Variants in TCF20 observed in about 807,000 individuals in gnomAD.
The protein encoded by TCF20 is transcription factor 20, also known as SPRE-binding protein.
A neutral mutation model predicts 148.6 loss-of-function variants in TCF20; 3 were observed. That is an observed-to-expected ratio of 0.02 (90% CI 0.01 to 0.05). The LOEUF (loss-of-function observed/expected upper bound fraction) is 0.05. Ranked by LOEUF, TCF20 falls within the 10% of genes least tolerant of loss-of-function variation. The probability of loss-of-function intolerance (pLI) is 1.00; values close to 1 mark genes in which losing one functional copy is unlikely to be tolerated. For missense variants in TCF20, 2,350 were observed against 2,429.3 expected (o/e 0.97, Z 0.69); for synonymous variants, 1,049 against 909.5 (o/e 1.15, Z -2.76).
chr22:42,172,219 T>G (rs918700068), intron 3 of TCF20, among the ~76,000 whole-genome samples: 2 of 152,196 alleles, frequency 1.3e-5, no homozygotes, highest in African/African-American at 4.8e-5. Flanking sequence ...TTCACGTTCC[T>G]GGCAGGGGCC....
intron 1 of TCF20, among the ~76,000 whole-genome samples, chr22:42,240,359 G>C (rs1924286339): frequency 6.6e-6 from 1 of 152,132 alleles, no homozygotes. Flanking sequence ...GTCACACAGA[G>C]ACATAAACAA....
chr22:42,323,031 C>T lies in TCF20; in HGVS notation c.-37+20448G>A, dbSNP rs558351561. ...AAGTGATTCTCCTGCCTCAGCCTCC[C>T]GAGTAGCTTGGGTTATAGGCACCTG... is the stretch of plus-strand genomic sequence containing the variant. On this transcript the variant is annotated intron_variant, in intron 1 of 1. Transcript: ENST00000515426. Among the ~76,000 whole-genome samples the T allele has an allele frequency of 3.3e-5, 5 of 151,754 alleles. No individual in the cohort carries two copies. In the South Asian group the frequency reaches 1.0e-3, roughly 31 times the overall value.
chr22:42,213,618 C>T lies in TCF20; in HGVS notation c.1688G>A (p.Gly563Asp), dbSNP rs771217093. The T allele has an allele frequency of 6.2e-7, 1 of 1,614,090 alleles. No individual in the cohort carries two copies. Residue 563 changes from glycine (G) to aspartate (D), a missense_variant, in exon 2 of 6, where the codon GGT becomes GAT. Gly to Asp is a moderately conservative substitution (Grantham distance 94). This residue lies in a region of TCF20 where 1,641 missense variants were observed against 1,662.6 expected (regional missense o/e 0.99). Coordinates refer to ENST00000677622, the MANE Select transcript of TCF20 (RefSeq NM_001378418.1). ...GAGTCTGGGGGGTTCATTCTGAGCACCTTGTGCCGGTGAGGAGCCAGCTTT... is the reference window on the plus strand; with the variant it reads ...GAGTCTGGGGGGTTCATTCTGAGCATCTTGTGCCGGTGAGGAGCCAGCTTT... ...SEKAGSSPAQ[G>D]AQNEPPRLNA...
chr22:42,196,510 T>C (rs1937605828), intron 2 of TCF20, among the ~76,000 whole-genome samples: 1 of 152,202 alleles, frequency 6.6e-6, no homozygotes, highest in Admixed American at 6.5e-5. Context: ...AACTGTCCTA[T>C]CACTTATCCT....
chr22:42,187,244 C>A (rs1937088121), intron 2 of TCF20, among the ~76,000 whole-genome samples: 1 of 152,202 alleles, frequency 6.6e-6, no homozygotes, highest in Non-Finnish European at 1.5e-5. Flanking sequence ...GGGACCCAGT[C>A]ATCTGCTTCC....
At chr22:42,190,225 G>C (rs1208168124) in intron 2 of TCF20, among the ~76,000 whole-genome samples, 1 of 152,184 alleles carries the variant, frequency 6.6e-6, no homozygotes. Context: ...TTGGGAGGTT[G>C]AGGTGGGAGG....
rs59283483 is a variant in TCF20 at position 42,221,739 on chromosome 22, G to GTTTTTTTTTTTTTTTTTT, written c.-36-6399_-36-6398insAAAAAAAAAAAAAAAAAA. Among the ~76,000 whole-genome samples, 33 of 92,808 alleles carry GTTTTTTTTTTTTTTTTTT rather than the reference G, an allele frequency of 3.6e-4. 2 individuals carry two copies. Among genetic ancestry groups the GTTTTTTTTTTTTTTTTTT allele is most frequent in the African/African-American group, 1.1e-3 (21 of 19,696 alleles). 60.9% of individuals were successfully genotyped at this position (92,808 alleles called of 152,430 possible). On this transcript the variant is annotated intron_variant, in intron 1 of 5. Coordinates refer to ENST00000677622, the MANE Select transcript of TCF20 (RefSeq NM_001378418.1). ...GGGCTTATTAACCATATGGCAAAGGGTTTTTTTTTTTTTTTTTGAGACGGA... is the reference window on the plus strand; with the variant it reads ...GGGCTTATTAACCATATGGCAAAGGGTTTTTTTTTTTTTTTTTTTTTTTTTTTTTTTTTTTGAGACGGA...
intron 2 of TCF20, among the ~76,000 whole-genome samples, chr22:42,186,867 A>C (rs1301248026): frequency 6.6e-6 from 1 of 152,256 alleles, no homozygotes; most frequent in African/African-American, 2.4e-5. Context: ...ATGACACACA[A>C]CTGCATACAA....
intron 1 of TCF20, among the ~76,000 whole-genome samples, chr22:42,319,365 C>T (rs1927691688): frequency 6.6e-6 from 1 of 152,164 alleles, no homozygotes; most frequent in African/African-American, 2.4e-5. Context: ...CTCCAAGCAA[C>T]CCCGGCTCCA....
intron 1 of TCF20, among the ~76,000 whole-genome samples, chr22:42,325,208 G>A (rs1927853111): frequency 6.6e-6 from 1 of 152,218 alleles, no homozygotes; most frequent in Admixed American, 6.5e-5. Context: ...GATACTCTAT[G>A]GTGCTGGAGC....
chr22:42,340,659 C>T (rs1355408734), intron 1 of TCF20, among the ~76,000 whole-genome samples: 2 of 152,138 alleles, frequency 1.3e-5, no homozygotes, highest in Non-Finnish European at 2.9e-5. Flanking sequence ...GAGAGCACAA[C>T]CATGCCCATT....
intron 2 of TCF20, among the ~76,000 whole-genome samples, chr22:42,201,498 T>C (rs574006620): frequency 1.3e-5 from 2 of 152,322 alleles, no homozygotes; most frequent in East Asian, 3.9e-4. Context: ...CCAGGCGCGG[T>C]GGCTCATGCC....
chr22:42,261,521 A>G (rs1455371824), intron 1 of TCF20, among the ~76,000 whole-genome samples: 3 of 152,148 alleles, frequency 2.0e-5, no homozygotes, highest in Non-Finnish European at 2.9e-5. Context: ...TCAAACTCAC[A>G]GTCTTTCAGC....
chr22:42,271,129 G>A (rs920665442), upstream of TCF20, among the ~76,000 whole-genome samples: 3 of 152,194 alleles, frequency 2.0e-5, no homozygotes, highest in African/African-American at 7.2e-5. Flanking sequence ...GGCGGCTCCT[G>A]CCCGCCAAGA....
rs987187365 is a variant in TCF20, at chr22:42,270,613, G to A, written c.-311C>T. On this transcript the variant is annotated 5_prime_UTR_variant, in exon 1 of 6. Coordinates refer to ENST00000677622, the MANE Select transcript of TCF20 (RefSeq NM_001378418.1). ...GCAGGGGCCGAAAGCGGCTGGGCTC[G>A]GGGTTTTTTCTCTCCATTCTCCCAA... 2.8e-5 allele frequency among the ~76,000 whole-genome samples: 4 copies of A among 145,338 alleles called. No individual in the cohort carries two copies. The highest frequency in any genetic ancestry group is 2.0e-4 in the Admixed American group (3 of 14,704).
At chr22:42,162,550 TCAAAGA>T (rs1047649337) in intron 5 of TCF20, among the ~76,000 whole-genome samples, 3 of 152,162 alleles carry the variant, frequency 2.0e-5, no homozygotes, top group African/African-American at 7.2e-5. Flanking sequence ...TGGAAAGGTC[TCAAAGA>T]CAAACAGCAG....
intron 2 of TCF20, among the ~76,000 whole-genome samples, chr22:42,204,802 G>C (rs1241571223): frequency 6.6e-6 from 1 of 152,120 alleles, no homozygotes; most frequent in African/African-American, 2.4e-5. Flanking sequence ...CCAAGATTGT[G>C]CCACTGCACT....
rs1267813796 is a variant in TCF20 at position 42,338,905 on chromosome 22, G to A, written c.-37+4574C>T. Among the ~76,000 whole-genome samples the A allele has an allele frequency of 6.6e-6, 1 of 152,148 alleles. No individual in the cohort carries two copies. Among genetic ancestry groups the A allele is most frequent in the East Asian group, 1.9e-4 (1 of 5,198 alleles). On this transcript the variant is annotated intron_variant, in intron 1 of 1. Coordinates refer to the TCF20 transcript ENST00000515426. This position sits in a 1 kb window ranked among gnomAD's most constrained non-coding sequence, Gnocchi z 4.0. ...GCCATAATCACGGAGATCTAAGGAT[G>A]GGGGTGAGCAGGGTGTCTGGTCCCA... is the stretch of plus-strand genomic sequence containing the variant.
chr22:42,239,820 A>C (rs1422333144), intron 1 of TCF20, among the ~76,000 whole-genome samples: 2 of 152,206 alleles, frequency 1.3e-5, no homozygotes, highest in Non-Finnish European at 2.9e-5. Context: ...AATGAATAAA[A>C]TGTTTAAAAT....
Sources: gnomAD v4.1 joint callset for allele counts (sites outside exome capture counted in the v4.1 genomes callset) on GRCh38, gnomAD v4.1.1 for gene constraint, gnomAD v4.1.1 regional missense constraint, Gnocchi (gnomAD v3.1) non-coding constraint, MANE v1.5 for transcripts, NCBI Gene and HGNC (gene_info 2026-07-23, HGNC 2026-07-21) for gene names.